The following ASAP2 variants were observed in gnomAD, a reference collection of about 807,000 sequenced individuals.
ASAP2 encodes the protein ArfGAP with SH3 domain, ankyrin repeat and PH domain 2.
Under a neutral mutation model 131.4 loss-of-function variants are expected in ASAP2, and 45 were observed. That is an observed-to-expected ratio of 0.34 (90% CI 0.27 to 0.44). ASAP2 has a LOEUF of 0.44. ASAP2 is among the 20% of genes least tolerant of loss of function. ASAP2 has a pLI of 1.00. For synonymous variants in ASAP2, 510 were observed against 503.0 expected (o/e 1.01, Z -0.19); for missense variants, 1,011 against 1,297.0 (o/e 0.78, Z 3.39).
intron 2 of ASAP2, among the ~76,000 whole-genome samples, chr2:9,292,364 A>C (rs1572369116): frequency 6.6e-6 from 1 of 152,148 alleles, no homozygotes; most frequent in East Asian, 1.9e-4. Flanking sequence ...CTAAAAATAC[A>C]AAAATTAGCC....
intron 2 of ASAP2, among the ~76,000 whole-genome samples, chr2:9,286,429 T>A (rs186863904): frequency 0.04 from 5,391 of 133,646 alleles, 246 homozygotes; most frequent in African/African-American, 0.13. Flanking sequence ...GGATTTTTTT[T>A]AAAAAAGGAA....
intron 2 of ASAP2, among the ~76,000 whole-genome samples, chr2:9,295,273 C>A (rs1668084043): frequency 6.6e-6 from 1 of 152,196 alleles, no homozygotes; most frequent in Non-Finnish European, 1.5e-5. Context: ...CTGCCACTTT[C>A]TGTGTTTCCT....
At chr2:9,210,561 GTT>G (rs906726476) in intron 1 of ASAP2, among the ~76,000 whole-genome samples, 3 of 147,036 alleles carry the variant, frequency 2.0e-5, no homozygotes. Context: ...TAACCCATGT[GTT>G]TTTTTTTTTG....
intron 23 of ASAP2, among the ~76,000 whole-genome samples, chr2:9,391,843 C>G (rs961419202): frequency 6.6e-6 from 1 of 151,784 alleles, no homozygotes; most frequent in African/African-American, 2.4e-5. Context: ...CCTCAGCCTC[C>G]CAGAGTTCTG....
intron 4 of ASAP2, among the ~76,000 whole-genome samples, chr2:9,319,786 A>G (rs893861794): frequency 1.1e-4 from 16 of 152,240 alleles, no homozygotes; most frequent in Admixed American, 3.3e-4. Flanking sequence ...ACCAGAGTGT[A>G]TGAAGTCCTG....
chr2:9,374,166 T>C lies in ASAP2; in HGVS notation c.1557-589T>C, dbSNP rs142349008. Among the ~76,000 whole-genome samples the C allele has an allele frequency of 6.2e-3, 937 of 152,330 alleles. 7 individuals carry two copies. Among genetic ancestry groups the C allele is most frequent in the Non-Finnish European group, 7.3e-3 (495 of 68,038 alleles). On this transcript the variant is annotated intron_variant, in intron 16 of 27. Coordinates refer to ENST00000281419, the MANE Select transcript of ASAP2 (RefSeq NM_003887.3). ...TGGATGGGGCGGAGTCTGAGCATGT[T>C]GCCACATAAAGGCCAGAAAGTAGAA...
At chr2:9,320,979 A>G (rs1028417551) in intron 5 of ASAP2, among the ~76,000 whole-genome samples, 1 of 152,208 alleles carries the variant, frequency 6.6e-6, no homozygotes, top group Non-Finnish European at 1.5e-5. Flanking sequence ...TCATCCCTAG[A>G]GTAGAGAGAG....
At chr2:9,254,250 T>TACAC (rs1312612694) in intron 1 of ASAP2, among the ~76,000 whole-genome samples, 1 of 87,748 alleles carries the variant, frequency 1.1e-5, no homozygotes. Context: ...TATATATATA[T>TACAC]ATATACACGT....
intron 2 of ASAP2, among the ~76,000 whole-genome samples, chr2:9,296,551 C>G (rs1668163562): frequency 6.6e-6 from 1 of 152,262 alleles, no homozygotes; most frequent in Non-Finnish European, 1.5e-5. Flanking sequence ...TCTGCTCAAA[C>G]AACATGTGTG....
chr2:9,358,769 T>C lies in ASAP2; in HGVS notation c.1341T>C (p.Leu447=). The change falls in exon 15 of 28, where the codon CTT becomes CTC. Residue 447 remains leucine (L), a synonymous_variant. Coordinates refer to ENST00000281419, the MANE Select transcript of ASAP2 (RefSeq NM_003887.3). ...TCTCTTTGGCAGATCCTACATGGCT[T>C]TCCACCAACCTGGGCATCCTGACCT... The part of the protein sequence containing the change: ...CDCGAPDPTW[L]STNLGILTCI... The C allele has an allele frequency of 9.3e-6, 15 of 1,613,430 alleles. No individual in the cohort carries two copies. The highest frequency in any genetic ancestry group is 1.3e-5 in the Non-Finnish European group (15 of 1,179,856).
At chr2:9,213,951 C>A (rs1453683533) in intron 1 of ASAP2, among the ~76,000 whole-genome samples, 8 of 152,132 alleles carry the variant, frequency 5.3e-5, no homozygotes. Context: ...TAGACTGGGG[C>A]CCAGGGAAAG....
At chr2:9,401,694 AC>A (rs1482500554) in intron 27 of ASAP2, among the ~76,000 whole-genome samples, 1 of 152,002 alleles carries the variant, frequency 6.6e-6, no homozygotes, top group East Asian at 1.9e-4. Context: ...CTAGGTCATC[AC>A]CCCCCATTGC....
At chr2:9,278,621 CTGTT>C (rs532530066) in intron 1 of ASAP2, among the ~76,000 whole-genome samples, 8 of 152,044 alleles carry the variant, frequency 5.3e-5, no homozygotes, top group Admixed American at 1.3e-4. Flanking sequence ...GAACAGATAA[CTGTT>C]TGAGCGCCTC....
At chr2:9,337,863 C>A (rs1349861310) in intron 9 of ASAP2, among the ~76,000 whole-genome samples, 1 of 152,112 alleles carries the variant, frequency 6.6e-6, no homozygotes, top group East Asian at 1.9e-4. Context: ...CATTATTTTT[C>A]TTTGTGAAGG....
intron 12 of ASAP2, among the ~76,000 whole-genome samples, chr2:9,353,054 G>C (rs886543742): frequency 9.2e-5 from 14 of 152,150 alleles, no homozygotes; most frequent in African/African-American, 3.4e-4. Flanking sequence ...GTTGAAAACT[G>C]GCCAGATACC....
At chr2:9,366,707 T>A (rs1276071926) in intron 15 of ASAP2, among the ~76,000 whole-genome samples, 4 of 151,862 alleles carry the variant, frequency 2.6e-5, no homozygotes, top group Non-Finnish European at 5.9e-5. Context: ...GGAGGTGGAG[T>A]TGGTTAATGT....
intron 24 of ASAP2, 22 bp downstream of exon 24, chr2:9,393,669 C>T (rs765337326): frequency 7.2e-5 from 111 of 1,548,448 alleles, no homozygotes; most frequent in South Asian, 2.8e-4. Context: ...CCAGCCAGCT[C>T]GGCCATCCGT....
At chr2:9,330,928 G>T (rs1304168915) in intron 7 of ASAP2, among the ~76,000 whole-genome samples, 1 of 152,148 alleles carries the variant, frequency 6.6e-6, no homozygotes, top group Non-Finnish European at 1.5e-5. Flanking sequence ...GAGTGTGTAC[G>T]CTGCCTGCTC....
intron 3 of ASAP2, among the ~76,000 whole-genome samples, chr2:9,313,669 G>A (rs1482608490): frequency 6.6e-6 from 1 of 152,180 alleles, no homozygotes; most frequent in Non-Finnish European, 1.5e-5. Context: ...GCAGGGTTCA[G>A]GACCAAATTG....
Sources: allele counts gnomAD v4.1 joint callset (sites outside exome capture counted in the v4.1 genomes callset), GRCh38; gene constraint gnomAD v4.1.1; transcripts MANE v1.5; gene names NCBI Gene and HGNC (gene_info 2026-07-23, HGNC 2026-07-21).